MAP4K3: variants seen among roughly 807,000 people sequenced by gnomAD.
MAP4K3 encodes the protein mitogen-activated protein kinase kinase kinase kinase 3, also known as MAPK/ERK kinase kinase kinase 3.
Under a neutral mutation model 143.5 loss-of-function variants are expected in MAP4K3, and 94 were observed. The ratio of observed to expected loss-of-function variants is 0.65; its 90% CI spans 0.55 to 0.78. MAP4K3 has a LOEUF of 0.78. Among genes scored for constraint, MAP4K3 ranks in the 30% least tolerant of loss-of-function variants. MAP4K3 has a pLI of 0.00. For synonymous variants in MAP4K3, 416 were observed against 347.2 expected (o/e 1.20, Z -2.20); for missense variants, 1,077 against 1,068.1 (o/e 1.01, Z -0.12).
intron 31 of MAP4K3, among the ~76,000 whole-genome samples, chr2:39,256,202 TA>T (rs1356257602): frequency 1.3e-5 from 2 of 152,210 alleles, no homozygotes; most frequent in Non-Finnish European, 2.9e-5. Context: ...AGTAACTTAT[TA>T]ATAGGGTTTT....
At chr2:39,369,193 G>GTTTTTTTTTGTTTTTTTTTTTT (rs1553419597) in intron 2 of MAP4K3, among the ~76,000 whole-genome samples, 1 of 37,978 alleles carries the variant, frequency 2.6e-5, no homozygotes, top group Admixed American at 4.1e-4. Context: ...CTTTGGGCTA[G>GTTTTTTTTTGTTTTTTTTTTTT]TTTTTTTTTT....
At chr2:39,396,782 T>C (rs1666821054) in intron 1 of MAP4K3, among the ~76,000 whole-genome samples, 1 of 152,222 alleles carries the variant, frequency 6.6e-6, no homozygotes, top group African/African-American at 2.4e-5. Flanking sequence ...CCCAAATTTT[T>C]AACTTATGAA....
At chr2:39,270,164 C>T (rs1486908233) in intron 26 of MAP4K3, among the ~76,000 whole-genome samples, 2 of 152,126 alleles carry the variant, frequency 1.3e-5, no homozygotes, top group Admixed American at 6.6e-5. Flanking sequence ...TTCTGAAAGA[C>T]CATAGGGATG....
chr2:39,305,778 T>G (rs998585405), intron 15 of MAP4K3, among the ~76,000 whole-genome samples: 4 of 152,112 alleles, frequency 2.6e-5, no homozygotes, highest in East Asian at 3.9e-4. Context: ...TATGGTAACT[T>G]ATTCAAGTTA....
chr2:39,254,383 G>C, intron 32 of MAP4K3, 67 bp downstream of exon 32: 1 of 1,222,674 alleles, frequency 8.2e-7, no homozygotes, highest in Non-Finnish European at 1.2e-6. Flanking sequence ...TATCATTTAG[G>C]AATCGAACTG....
Position 39,296,702 on chromosome 2 carries a change from CA to C in MAP4K3, c.1178+3040del, listed in dbSNP as rs565154355. Among the ~76,000 whole-genome samples, 700 of 152,272 alleles carry C rather than the reference CA, an allele frequency of 4.6e-3. 6 individuals are homozygous for C. The highest frequency in any genetic ancestry group is 0.016 in the African/African-American group (677 of 41,568). ...ATTACATTTCAAACCAACAAGCAAACAAACAAAAACCCTATTTCTCTAAAAT... is the reference window on the plus strand; with the variant it reads ...ATTACATTTCAAACCAACAAGCAAACAACAAAAACCCTATTTCTCTAAAAT... On this transcript the variant is annotated intron_variant, in intron 16 of 33. Coordinates refer to ENST00000263881, the MANE Select transcript of MAP4K3 (RefSeq NM_003618.4).
intron 1 of MAP4K3, among the ~76,000 whole-genome samples, chr2:39,415,120 G>A (rs1667336643): frequency 6.6e-6 from 1 of 152,122 alleles, no homozygotes; most frequent in South Asian, 2.1e-4. Context: ...CAAAATGACA[G>A]CCTACACTTG....
At chr2:39,309,629 C>G (rs1321811108) in intron 13 of MAP4K3, 110 bp from the exon 14 acceptor site, 12 of 594,286 alleles carry the variant, frequency 2.0e-5, no homozygotes, top group Non-Finnish European at 3.3e-5. Flanking sequence ...GCAATCTCAG[C>G]TCACTGCAAT....
chr2:39,293,103 C>T (rs1387580669), intron 17 of MAP4K3, 127 bp downstream of exon 17: 5 of 757,722 alleles, frequency 6.6e-6, no homozygotes, highest in Non-Finnish European at 1.1e-5. Context: ...GGCAACAGAG[C>T]GAGACCCTAT....
chr2:39,318,991 T>C (rs1683209896), intron 12 of MAP4K3, among the ~76,000 whole-genome samples: 1 of 152,086 alleles, frequency 6.6e-6, no homozygotes, highest in Admixed American at 6.6e-5. Context: ...ATTTTTTTGT[T>C]GTCACAACTT....
At chr2:39,270,328 C>T (rs1680960358) in intron 26 of MAP4K3, among the ~76,000 whole-genome samples, 1 of 152,152 alleles carries the variant, frequency 6.6e-6, no homozygotes, top group Non-Finnish European at 1.5e-5. Flanking sequence ...TAATTTTAGT[C>T]ATGATTTTAT....
rs113572560 is a variant in MAP4K3, at chr2:39,312,184, G to A, written c.998-2665C>T. 1.6e-3 allele frequency among the ~76,000 whole-genome samples: 239 copies of A among 152,274 alleles called. 3 individuals are homozygous for A. Among genetic ancestry groups the A allele is most frequent in the African/African-American group, 5.6e-3 (232 of 41,566 alleles). On this transcript the variant is annotated intron_variant, in intron 13 of 33. Transcript: ENST00000263881. Reference sequence around the variant, plus strand: ...GTATAAACTAGCCAGAGTAGACACAGATTAACTGTACTACATTCATCTTTT... The same window carrying A: ...GTATAAACTAGCCAGAGTAGACACAAATTAACTGTACTACATTCATCTTTT...
intron 6 of MAP4K3, 111 bp downstream of exon 6, chr2:39,336,809 A>T: frequency 2.2e-6 from 1 of 452,188 alleles, no homozygotes; most frequent in South Asian, 3.9e-5. Flanking sequence ...CATTTTTATT[A>T]TGGTAACATT....
chr2:39,360,928 T>G (rs541992415), intron 2 of MAP4K3, among the ~76,000 whole-genome samples: 1 of 152,254 alleles, frequency 6.6e-6, no homozygotes, highest in African/African-American at 2.4e-5. Flanking sequence ...ACAGCTAAAC[T>G]ATATCAACAA....
chr2:39,262,837 G>A (rs1458126061), intron 28 of MAP4K3, among the ~76,000 whole-genome samples: 2 of 152,070 alleles, frequency 1.3e-5, no homozygotes, highest in Admixed American at 1.3e-4. Flanking sequence ...GGGTGCGGTG[G>A]CTCAAACCTG....
intron 12 of MAP4K3, among the ~76,000 whole-genome samples, chr2:39,317,860 A>C (rs775726017): frequency 1.4e-4 from 21 of 152,296 alleles, no homozygotes; most frequent in Middle Eastern, 3.4e-3. Context: ...TTTCTCAAAG[A>C]ACTTAGAACA....
intron 2 of MAP4K3, among the ~76,000 whole-genome samples, chr2:39,368,505 A>G (rs1292323749): frequency 1.4e-5 from 2 of 146,446 alleles, no homozygotes; most frequent in Non-Finnish European, 3.1e-5. Flanking sequence ...AGTCTCTACA[A>G]AAAAAACTAA....
At chr2:39,297,703 A>G (rs545413421) in intron 16 of MAP4K3, among the ~76,000 whole-genome samples, 2 of 152,306 alleles carry the variant, frequency 1.3e-5, no homozygotes, top group East Asian at 3.9e-4. Context: ...CACAAGAATA[A>G]AGCAGACATA....
intron 1 of MAP4K3, among the ~76,000 whole-genome samples, chr2:39,404,320 G>C (rs1341006098): frequency 1.3e-5 from 2 of 151,840 alleles, no homozygotes; most frequent in Non-Finnish European, 2.9e-5. Context: ...AGCATTTCTG[G>C]ACCTGCACTG....
Sources: gnomAD v4.1 joint callset for allele counts (sites outside exome capture counted in the v4.1 genomes callset) on GRCh38, gnomAD v4.1.1 for gene constraint, MANE v1.5 for transcripts, NCBI Gene and HGNC (gene_info 2026-07-23, HGNC 2026-07-21) for gene names.